Variants in HIP1R observed in about 807,000 individuals in gnomAD.
HIP1R encodes the protein huntingtin interacting protein 1 related.
A neutral mutation model predicts 144.2 loss-of-function variants in HIP1R; 135 were observed. That is an observed-to-expected ratio of 0.94 (90% CI 0.81 to 1.08). The LOEUF (loss-of-function observed/expected upper bound fraction) is 1.08, where lower values mean the gene tolerates loss of function less well. Among genes scored for constraint, HIP1R ranks in the 50% least tolerant of loss-of-function variants. HIP1R has a pLI of 0.00. For missense variants in HIP1R, 1,462 were observed against 1,432.8 expected (o/e 1.02, Z -0.33); for synonymous variants, 698 against 612.8 (o/e 1.14, Z -2.05).
In HIP1R at chr12:122,860,177, T is replaced by C; in HGVS notation, c.2526T>C (p.Thr842=). The change falls in exon 26 of 32, where the codon ACT becomes ACC. Residue 842 remains threonine (T), a synonymous_variant. Coordinates refer to ENST00000253083, the MANE Select transcript of HIP1R (RefSeq NM_003959.3). Reference sequence around the variant, plus strand: ...TCCGGCTCCTGGTGACGACATCCACTAGCCTGCAGAAGGAGATCGTGGAGA... The same window carrying C: ...TCCGGCTCCTGGTGACGACATCCACCAGCCTGCAGAAGGAGATCGTGGAGA... ...KAIRLLVTTS[T]SLQKEIVESG... is the part of the protein sequence containing the mutation. 6.4e-7 allele frequency: 1 copy of C among 1,571,864 alleles called. No individual in the cohort carries two copies.
intron 1 of HIP1R, among the ~76,000 whole-genome samples, chr12:122,847,056 G>A (rs371085681): frequency 9.2e-5 from 14 of 152,230 alleles, no homozygotes; most frequent in African/African-American, 3.1e-4. Flanking sequence ...TGGGGGCTGC[G>A]TGTCCCATCT....
chr12:122,841,476 C>T (rs2033058141), intron 1 of HIP1R, among the ~76,000 whole-genome samples: 1 of 152,212 alleles, frequency 6.6e-6, no homozygotes, highest in African/African-American at 2.4e-5. Context: ...AGTGGATGCT[C>T]AGGGGCCAGT....
In HIP1R at chr12:122,851,364, G is replaced by A. The variant is rs1273301358; in HGVS notation, c.577+67G>A. On this transcript the variant is annotated intron_variant, in intron 7 of 31. Coordinates refer to ENST00000253083, the MANE Select transcript of HIP1R (RefSeq NM_003959.3). ...TAAGTCCCCAGAGATGGGACGAGAA[G>A]AAAAAAGAAGACATGAGTGATCAGA... The A allele has an allele frequency of 3.0e-6, 4 of 1,330,170 alleles. No individual in the cohort carries two copies. In the East Asian group the frequency reaches 1.1e-4, roughly 36 times the overall value. The allele number at this position is 1,330,170 out of a possible 1,614,324, so 82.4% of individuals were successfully genotyped here.
intron 5 of HIP1R, 81 bp downstream of exon 5, chr12:122,850,036 C>T (rs771449328): frequency 7.5e-6 from 7 of 929,910 alleles, no homozygotes; most frequent in African/African-American, 3.2e-5. Context: ...GTTGGGACAT[C>T]GAGGGTGGGA....
chr12:122,858,954 G>A lies in HIP1R; in HGVS notation c.2158+9G>A, dbSNP rs1593889121. The A allele has an allele frequency of 1.2e-6, 2 of 1,612,552 alleles. No individual in the cohort carries two copies. The highest frequency in any genetic ancestry group is 2.2e-5 in the East Asian group (1 of 44,868). On this transcript the variant is annotated intron_variant, in intron 21 of 31. Coordinates refer to ENST00000253083, the MANE Select transcript of HIP1R (RefSeq NM_003959.3). ...CACCGACCCTGCCGACCGTAAGTGG[G>A]TCCTGGGATGGCAGGTTCTGTCCAC... is the stretch of plus-strand genomic sequence containing the variant.
chr12:122,853,029 AG>A (rs2033446067), intron 7 of HIP1R, among the ~76,000 whole-genome samples: 1 of 152,150 alleles, frequency 6.6e-6, no homozygotes, highest in African/African-American at 2.4e-5. Context: ...CAGGCAAGGC[AG>A]GAGCAGGACC....
Position 122,860,415 on chromosome 12 carries a change from G to A in HIP1R, c.2560-8G>A, listed in dbSNP as rs367754828. On this transcript the variant is annotated splice_region_variant and splice_polypyrimidine_tract_variant and intron_variant, in intron 26 of 31. Transcript: ENST00000253083. ...GCATGTCCTGCCCTGTTCTCCCGTC[G>A]CCACTAGGGGGCAGCCACGCAGCAG... 185 of 1,613,170 alleles carry A rather than the reference G, an allele frequency of 1.1e-4. No homozygotes were observed. The African/African-American group carries it at 1.8e-3, about 16-fold the overall frequency.
At chr12:122,851,568 C>T (rs367798142) in intron 7 of HIP1R, among the ~76,000 whole-genome samples, 98 of 152,120 alleles carry the variant, frequency 6.4e-4, no homozygotes, top group Non-Finnish European at 1.2e-3. Context: ...GGCGTGGTGG[C>T]GCACGCCTGT....
Position 122,859,009 on chromosome 12 carries a change from T to C in HIP1R, c.2159-52T>C. 5.1e-6 allele frequency: 8 copies of C among 1,573,610 alleles called. No individual in the cohort carries two copies. The South Asian group carries it at 6.7e-5, about 13-fold the overall frequency. Reference sequence around the variant, plus strand: ...CTGGCTTGTCTCCCCTGGGGGTCCTTATGGAGCCTGTCGGTGGGGGGGGCT... The same window carrying C: ...CTGGCTTGTCTCCCCTGGGGGTCCTCATGGAGCCTGTCGGTGGGGGGGGCT... On this transcript the variant is annotated intron_variant, in intron 21 of 31. Coordinates refer to ENST00000253083, the MANE Select transcript of HIP1R (RefSeq NM_003959.3).
rs140221175 is a variant in HIP1R at position 122,856,539 on chromosome 12, G to A, written c.1509G>A (p.Ser503=). ...AGGTGGAGCAGGTGAAGCGGGAGTC[G>A]GAGTTGAAGGTATGTCCCTTGTGGC... ...AFQVEQVKRE[S]ELKLEEKSDQ... Residue 503 remains serine (S), a synonymous_variant, in exon 16 of 32, where the codon TCG becomes TCA. Transcript: ENST00000253083. The A allele has an allele frequency of 3.1e-5, 49 of 1,600,178 alleles. No homozygotes were observed. Among genetic ancestry groups the A allele is most frequent in the Non-Finnish European group, 3.8e-5 (45 of 1,173,332 alleles).
rs773709692 is a variant in HIP1R, at chr12:122,856,329, G to A, written c.1386G>A (p.Ala462=). 3 of 1,613,848 alleles carry A rather than the reference G, an allele frequency of 1.9e-6. No individual in the cohort carries two copies. The highest frequency in any genetic ancestry group is 1.1e-5 in the South Asian group (1 of 91,074). The change falls in exon 15 of 32, where the codon GCG becomes GCA. Residue 462 remains alanine, a synonymous_variant. Transcript: ENST00000253083. Reference sequence around the variant, plus strand: ...ACAGTGAGCTCGTCCATGTGCACGCGGAGCTGCTCAGAAAGGTAGGTGCAG... The same window carrying A: ...ACAGTGAGCTCGTCCATGTGCACGCAGAGCTGCTCAGAAAGGTAGGTGCAG... The part of the protein sequence containing the change: ...EKHSELVHVH[A]ELLRKNADTA...
At chr12:122,851,404 T>C (rs1405962402) in intron 7 of HIP1R, 107 bp downstream of exon 7, 1 of 925,644 alleles carries the variant, frequency 1.1e-6, no homozygotes, top group Non-Finnish European at 1.5e-6. Context: ...CTGATCACTA[T>C]GAAATGACCC....
At chr12:122,834,921 G>C, upstream of HIP1R, 1 of 1,286,454 alleles carries the variant, frequency 7.8e-7, no homozygotes, top group Non-Finnish European at 1.0e-6. Flanking sequence ...GAAAAAAAGC[G>C]TCTATCTGTG....
intron 5 of HIP1R, chr12:122,850,460 C>A: frequency 6.2e-6 from 1 of 161,030 alleles, no homozygotes; most frequent in Non-Finnish European, 1.1e-5. Context: ...GGCCCTGGTT[C>A]GGTGGCCGCT....
intron 1 of HIP1R, among the ~76,000 whole-genome samples, chr12:122,837,977 T>G (rs2032954955): frequency 6.6e-6 from 1 of 152,146 alleles, no homozygotes; most frequent in Admixed American, 6.5e-5. Flanking sequence ...TGGCTTCCTT[T>G]GTAATACGCT....
In HIP1R at chr12:122,848,042, C is replaced by T. The variant is rs2033261731; in HGVS notation, c.105C>T (p.Ile35=). 4.3e-6 allele frequency: 7 copies of T among 1,613,680 alleles called. No homozygotes were observed. Among genetic ancestry groups the T allele is most frequent in the Middle Eastern group, 1.7e-4 (1 of 6,060 alleles). Residue 35 remains isoleucine (I), a synonymous_variant, in exon 2 of 32, where the codon ATC becomes ATT. Transcript: ENST00000253083. Reference sequence around the variant, plus strand: ...TTTGTCCCTCACAGGCCATCAGCATCAGCAAAGCCATCAACACCCAGGAGG... The same window carrying T: ...TTTGTCCCTCACAGGCCATCAGCATTAGCAAAGCCATCAACACCCAGGAGG... ...EQFDKTQAIS[I]SKAINTQEAP...
intron 2 of HIP1R, 106 bp from the exon 3 acceptor site, chr12:122,848,360 G>A (rs1414703212): frequency 8.6e-6 from 12 of 1,398,570 alleles, no homozygotes; most frequent in Middle Eastern, 1.9e-4. Flanking sequence ...TGATGGGCAC[G>A]TGATTGGGGG....
At chr12:122,848,333 C>A in intron 2 of HIP1R, 133 bp from the exon 3 acceptor site, 2 of 1,164,404 alleles carry the variant, frequency 1.7e-6, no homozygotes, top group Non-Finnish European at 2.4e-6. Flanking sequence ...GACACTGGAG[C>A]TCTGGTGACC....
At chr12:122,861,274 G>T (rs1489565665) in intron 30 of HIP1R, 34 bp from the exon 31 acceptor site, 1 of 1,613,478 alleles carries the variant, frequency 6.2e-7, no homozygotes, top group Non-Finnish European at 8.5e-7. Context: ...CCCTGGGGAG[G>T]CTGGGCTGGG....
Sources: allele counts gnomAD v4.1 joint callset (sites outside exome capture counted in the v4.1 genomes callset), GRCh38; gene constraint gnomAD v4.1.1; transcripts MANE v1.5; gene names NCBI Gene and HGNC (gene_info 2026-07-23, HGNC 2026-07-21).